SLC25A40: variants seen among roughly 807,000 people sequenced by gnomAD.
The protein encoded by SLC25A40 is solute carrier family 25 member 40.
Under a neutral mutation model 46.5 loss-of-function variants are expected in SLC25A40, and 41 were observed. The ratio of observed to expected loss-of-function variants is 0.88; its 90% CI spans 0.69 to 1.14. SLC25A40 has a LOEUF of 1.14. SLC25A40 is among the 50% of genes most tolerant of loss of function. The pLI, the probability that SLC25A40 is intolerant of heterozygous loss-of-function variation, is 0.00. For synonymous variants in SLC25A40, 126 were observed against 127.5 expected, an observed-to-expected ratio of 0.99 and a Z score of 0.08; for missense variants, 386 against 393.6, an observed-to-expected ratio of 0.98 and a Z score of 0.16.
chr7:87,838,639 CCTT>C (rs1199074811), intron 10 of SLC25A40, among the ~76,000 whole-genome samples: 1 of 151,368 alleles, frequency 6.6e-6, no homozygotes, highest in Non-Finnish European at 1.5e-5. Flanking sequence ...TATTTTTCCT[CCTT>C]CTCAAAGGTA....
intron 7 of SLC25A40, 87 bp downstream of exon 7, chr7:87,847,766 T>C (rs1438544861): frequency 3.8e-6 from 5 of 1,306,806 alleles, no homozygotes; most frequent in East Asian, 2.6e-5. Flanking sequence ...TAATACTCTA[T>C]ATATTATACA....
At chr7:87,861,406 A>C (rs539763026) in intron 1 of SLC25A40, among the ~76,000 whole-genome samples, 1 of 152,184 alleles carries the variant, frequency 6.6e-6, no homozygotes. Flanking sequence ...TTGTATACAG[A>C]AAGTATTTTT....
Position 87,858,670 on chromosome 7 carries a change from G to A in SLC25A40, c.58C>T (p.Leu20Phe). 1 of 1,612,018 alleles carries A rather than the reference G, an allele frequency of 6.2e-7. No individual in the cohort carries two copies. Among genetic ancestry groups the A allele is most frequent in the Admixed American group, 1.7e-5 (1 of 60,008 alleles). Residue 20 changes from leucine to phenylalanine, a missense_variant, in exon 3 of 12, where the codon CTT becomes TTT. Coordinates refer to ENST00000341119, the MANE Select transcript of SLC25A40 (RefSeq NM_018843.4). ...IIKVTPLQQM[L>F]ASCTGAILTS... ...AGTATAGCTCCAGTACATGAGGCAA[G>A]CATTTGTTGAAGAGGTGTCACTTTG... is the stretch of plus-strand genomic sequence containing the variant.
At chr7:87,871,274 C>T (rs569198775) in intron 1 of SLC25A40, among the ~76,000 whole-genome samples, 4 of 152,204 alleles carry the variant, frequency 2.6e-5, no homozygotes, top group Non-Finnish European at 5.9e-5. Context: ...GAGGCCCATT[C>T]GGGCAACAAA....
chr7:87,869,030 A>C (rs1457642626), intron 1 of SLC25A40, among the ~76,000 whole-genome samples: 1 of 152,222 alleles, frequency 6.6e-6, no homozygotes, highest in Non-Finnish European at 1.5e-5. Flanking sequence ...GGAAATGGAA[A>C]TGAAAGCCAA....
chr7:87,843,466 C>T (rs1471871118), intron 9 of SLC25A40, among the ~76,000 whole-genome samples: 1 of 151,932 alleles, frequency 6.6e-6, no homozygotes, highest in Admixed American at 6.6e-5. Flanking sequence ...TAATGTATTA[C>T]AAAATGCTCT....
intron 1 of SLC25A40, among the ~76,000 whole-genome samples, chr7:87,875,803 G>A (rs1838995354): frequency 6.6e-6 from 1 of 152,226 alleles, no homozygotes; most frequent in South Asian, 2.1e-4. Context: ...CGGTGGCGCT[G>A]CCGTCAAGGC....
Position 87,836,349 on chromosome 7 carries a change from C to A in SLC25A40, c.917G>T (p.Arg306Leu), listed in dbSNP as rs766776279. The change falls in exon 12 of 12, where the codon CGC becomes CTC. Residue 306 changes from arginine to leucine, a missense_variant. Coordinates refer to ENST00000341119, the MANE Select transcript of SLC25A40 (RefSeq NM_018843.4). ...ACAAGCAGGAGCAATTTTAATTAAGCGAGGAATTAGGCCTGAGAAAAGAAT... is the reference window on the plus strand; with the variant it reads ...ACAAGCAGGAGCAATTTTAATTAAGAGAGGAATTAGGCCTGAGAAAAGAAT... Reference protein sequence around the residue: ...FSGLFSGLIPRLIKIAPACAI... With the variant: ...FSGLFSGLIPLLIKIAPACAI... The A allele has an allele frequency of 1.9e-6, 3 of 1,539,172 alleles. No individual in the cohort carries two copies. Among genetic ancestry groups the A allele is most frequent in the South Asian group, 1.3e-5 (1 of 76,816 alleles).
At chr7:87,839,738 G>C (rs1838304635) in intron 10 of SLC25A40, among the ~76,000 whole-genome samples, 1 of 151,672 alleles carries the variant, frequency 6.6e-6, no homozygotes, top group Non-Finnish European at 1.5e-5. Flanking sequence ...GTATATACCA[G>C]CATGGTGCCT....
chr7:87,844,076 A>C, intron 8 of SLC25A40: 1 of 766,320 alleles, frequency 1.3e-6, no homozygotes, highest in South Asian at 5.9e-5. Flanking sequence ...AAAACTATGC[A>C]TCAATAAAGT....
chr7:87,861,053 T>G (rs753398716), intron 1 of SLC25A40, among the ~76,000 whole-genome samples: 5 of 152,138 alleles, frequency 3.3e-5, no homozygotes, highest in Non-Finnish European at 7.4e-5. Context: ...CAATCTTTAA[T>G]CTGAATCTGA....
chr7:87,859,725 G>A lies in SLC25A40; in HGVS notation c.-25+847C>T, dbSNP rs532906842. On this transcript the variant is annotated intron_variant, in intron 2 of 11. Coordinates refer to ENST00000341119, the MANE Select transcript of SLC25A40 (RefSeq NM_018843.4). ...AGATTTACATTTTTATTGCTTGCAC[G>A]GTAGTTAATTATATTTATTTAATCA... is the stretch of plus-strand genomic sequence containing the variant. Among the ~76,000 whole-genome samples the A allele has an allele frequency of 3.5e-4, 54 of 152,144 alleles. 1 individual carries two copies. Among genetic ancestry groups the A allele is most frequent in the South Asian group, 1.0e-3 (5 of 4,820 alleles).
At chr7:87,874,244 C>T (rs766251261) in intron 1 of SLC25A40, among the ~76,000 whole-genome samples, 6 of 152,172 alleles carry the variant, frequency 3.9e-5, no homozygotes, top group Non-Finnish European at 7.3e-5. Flanking sequence ...TAGGGTGCAA[C>T]TATGTTACTG....
intron 2 of SLC25A40, among the ~76,000 whole-genome samples, chr7:87,859,484 T>C (rs1172550188): frequency 2.6e-5 from 4 of 152,132 alleles, no homozygotes. Flanking sequence ...AGGAATGTCA[T>C]CTTTCCAAAT....
intron 2 of SLC25A40, 55 bp from the exon 3 acceptor site, chr7:87,858,806 T>C: frequency 1.0e-6 from 1 of 980,588 alleles, no homozygotes. Flanking sequence ...TCAAAAATGA[T>C]AACATCCTTC....
Position 87,848,627 on chromosome 7 carries a change from AC to A in SLC25A40, c.333-651del, listed in dbSNP as rs1237770709. Among the ~76,000 whole-genome samples the A allele has an allele frequency of 2.2e-4, 33 of 152,334 alleles. No homozygotes were observed. In the East Asian group the frequency reaches 6.0e-3, roughly 28 times the overall value. ...TATAACTAGACATAAATTATAATTA[AC>A]ATCATCAGAATTACATACACTAATT... On this transcript the variant is annotated intron_variant, in intron 6 of 11. Transcript: ENST00000341119.
chr7:87,863,620 T>C (rs1277036268), intron 1 of SLC25A40, among the ~76,000 whole-genome samples: 1 of 151,106 alleles, frequency 6.6e-6, no homozygotes, highest in Non-Finnish European at 1.5e-5. Flanking sequence ...GTTTTGGGGG[T>C]ACATGTGATA....
At chr7:87,857,116 T>A (rs1465651395) in intron 3 of SLC25A40, among the ~76,000 whole-genome samples, 1 of 152,090 alleles carries the variant, frequency 6.6e-6, no homozygotes, top group African/African-American at 2.4e-5. Flanking sequence ...TTTGGCTACA[T>A]CTACAAGAAG....
intron 8 of SLC25A40, among the ~76,000 whole-genome samples, chr7:87,844,786 C>A (rs1026401239): frequency 2.2e-4 from 33 of 149,898 alleles, no homozygotes; most frequent in African/African-American, 8.0e-4. Flanking sequence ...AAAATAGCTA[C>A]TAAAAGCTGG....
Sources: gnomAD v4.1 joint callset for allele counts (sites outside exome capture counted in the v4.1 genomes callset) on GRCh38, gnomAD v4.1.1 for gene constraint, MANE v1.5 for transcripts, NCBI Gene and HGNC (gene_info 2026-07-23, HGNC 2026-07-21) for gene names.